The following AKR1E2 variants were observed in gnomAD, a reference collection of about 807,000 sequenced individuals.
The protein encoded by AKR1E2 is 1,5-anhydro-D-fructose reductase.
In AKR1E2, 43 loss-of-function variants were observed where a neutral mutation model predicts 41.9. That is an observed-to-expected ratio of 1.03 (90% CI 0.80 to 1.32). The LOEUF (loss-of-function observed/expected upper bound fraction) is 1.32, where lower values mean the gene tolerates loss of function less well. Ranked by LOEUF, AKR1E2 falls within the 40% of genes most tolerant of loss-of-function variation. The pLI is 0.00. For synonymous variants in AKR1E2, 121 were observed against 138.9 expected, an observed-to-expected ratio of 0.87 and a Z score of 0.91; for missense variants, 423 against 396.5, an observed-to-expected ratio of 1.07 and a Z score of -0.57.
At chr10:4,826,205 C>T, upstream of AKR1E2, 2 of 730,784 alleles carry the variant, frequency 2.7e-6, no homozygotes, top group Non-Finnish European at 3.8e-6. Context: ...GGAGTGTCAG[C>T]CGTCACAAGG....
chr10:4,867,286 C>T, the AKR1E2 span, among the ~76,000 whole-genome samples: 5 of 152,158 alleles, frequency 3.3e-5, no homozygotes, highest in East Asian at 9.6e-4. Context: ...TCTTAGACTT[C>T]TCCAGTTTTG....
At chr10:4,858,964 C>T in the AKR1E2 span, among the ~76,000 whole-genome samples, 39,092 of 151,404 alleles carry the variant, frequency 0.26, 5,246 homozygotes, top group Middle Eastern at 0.37. Flanking sequence ...GCTGGGATTA[C>T]AGGCATCCAC....
chr10:4,831,290 C>T (rs1432456589), intron 2 of AKR1E2, among the ~76,000 whole-genome samples: 2 of 152,158 alleles, frequency 1.3e-5, no homozygotes, highest in Non-Finnish European at 2.9e-5. Flanking sequence ...GGAAGCAGCA[C>T]GGCAGGTGCA....
chr10:4,851,119 T>A (rs898070894), downstream of AKR1E2, among the ~76,000 whole-genome samples: 59 of 152,334 alleles, frequency 3.9e-4, no homozygotes, highest in African/African-American at 1.4e-3. Context: ...AACAGTGACA[T>A]GTGATGCGAC....
At chr10:4,856,679 C>G in the AKR1E2 span, among the ~76,000 whole-genome samples, 1 of 152,176 alleles carries the variant, frequency 6.6e-6, no homozygotes. Flanking sequence ...TTATGGGAAA[C>G]TGCTATAATT....
intron 6 of AKR1E2, among the ~76,000 whole-genome samples, chr10:4,840,911 A>G (rs1196626752): frequency 6.6e-6 from 1 of 152,024 alleles, no homozygotes; most frequent in East Asian, 1.9e-4. Flanking sequence ...TATCTTATTT[A>G]TTCTTCTCTT....
Position 4,835,710 on chromosome 10 carries a change from ACTTTC to A in AKR1E2, c.364_368del (p.Ser122LeufsTer22). On this transcript the variant is annotated frameshift_variant, in exon 4 of 10. Coordinates refer to ENST00000298375, the MANE Select transcript of AKR1E2 (RefSeq NM_001040177.3). LOFTEE classifies it high-confidence loss of function. ...CAGAATGGATCATGAGCTGCAGTGA[ACTTTC>A]CTTCTGCCTCTCACATCCTCGAGTG... 2 of 1,614,030 alleles carry A rather than the reference ACTTTC, an allele frequency of 1.2e-6. No homozygotes were observed. Among genetic ancestry groups the A allele is most frequent in the Non-Finnish European group, 1.7e-6 (2 of 1,180,014 alleles).
intron 8 of AKR1E2, among the ~76,000 whole-genome samples, chr10:4,846,549 CTTT>C (rs760426996): frequency 2.1e-5 from 3 of 141,094 alleles, no homozygotes; most frequent in Admixed American, 7.1e-5. Context: ...CTGTGCCATC[CTTT>C]TTTTTTTTTT....
chr10:4,862,799 G>T, the AKR1E2 span, among the ~76,000 whole-genome samples: 2 of 152,270 alleles, frequency 1.3e-5, no homozygotes, highest in Non-Finnish European at 2.9e-5. Context: ...ACAAAAAAAG[G>T]CAGGGGTTGC....
rs1336699079 is a variant in AKR1E2, at chr10:4,830,779, A to G, written c.144A>G (p.Ala48=). ...ACCACAATGAGAGGGAGGTTGGAGCAGGGATCCGTTGCAAGATCAAGGAAG... is the reference window on the plus strand; with the variant it reads ...ACCACAATGAGAGGGAGGTTGGAGCGGGGATCCGTTGCAAGATCAAGGAAG... ...YFYHNEREVG[A]GIRCKIKEGA... The change falls in exon 2 of 10, where the codon GCA becomes GCG. Residue 48 remains alanine (A), a synonymous_variant. Coordinates refer to ENST00000298375, the MANE Select transcript of AKR1E2 (RefSeq NM_001040177.3). 1 of 1,614,184 alleles carries G rather than the reference A, an allele frequency of 6.2e-7. No homozygotes were observed. The highest frequency in any genetic ancestry group is 1.7e-5 in the Admixed American group (1 of 60,016).
At chr10:4,869,519 T>C in the AKR1E2 span, among the ~76,000 whole-genome samples, 1 of 152,082 alleles carries the variant, frequency 6.6e-6, no homozygotes, top group Admixed American at 6.6e-5. Flanking sequence ...TCAATTTCAT[T>C]GATTTCAGCT....
chr10:4,850,231 C>T (rs1834497384), downstream of AKR1E2, among the ~76,000 whole-genome samples: 1 of 152,182 alleles, frequency 6.6e-6, no homozygotes, highest in African/African-American at 2.4e-5. Context: ...AACGTGTGCC[C>T]TTAAGGGACC....
At chr10:4,863,482 G>A in the AKR1E2 span, among the ~76,000 whole-genome samples, 1,292 of 152,018 alleles carry the variant, frequency 8.5e-3, 21 homozygotes, top group African/African-American at 0.03. Context: ...GAAATTTATA[G>A]CACTAAATGC....
chr10:4,861,298 A>G, the AKR1E2 span, among the ~76,000 whole-genome samples: 15 of 152,310 alleles, frequency 9.8e-5, no homozygotes, highest in Admixed American at 3.9e-4. Context: ...AAAACTAATC[A>G]TCATCCCAGA....
chr10:4,836,568 G>C lies in AKR1E2; in HGVS notation c.459+759G>C, dbSNP rs375582309. On this transcript the variant is annotated intron_variant, in intron 4 of 9. Transcript: ENST00000298375. ...GCTTGCTGAGGTTAGGACAGAGCTT[G>C]CTGGGTGAAGCTCTCCAGGGAGGAG... is the stretch of plus-strand genomic sequence containing the variant. Among the ~76,000 whole-genome samples the C allele has an allele frequency of 1.2e-4, 18 of 152,302 alleles. No individual in the cohort carries two copies. In the South Asian group the frequency reaches 2.7e-3, roughly 23 times the overall value.
At chr10:4,826,390 C>T (rs1369387740) in intron 1 of AKR1E2, 27 bp downstream of exon 1, 7 of 1,232,824 alleles carry the variant, frequency 5.7e-6, no homozygotes, top group Non-Finnish European at 3.0e-6. Flanking sequence ...CAGGGAGGCG[C>T]GCCTGACCTA....
intron 2 of AKR1E2, 82 bp from the exon 3 acceptor site, chr10:4,833,268 C>G: frequency 8.8e-7 from 1 of 1,130,114 alleles, no homozygotes; most frequent in Non-Finnish European, 1.3e-6. Context: ...GGGTTCAAGA[C>G]AGTAGCTTTG....
At chr10:4,865,927 A>T in the AKR1E2 span, among the ~76,000 whole-genome samples, 1 of 152,158 alleles carries the variant, frequency 6.6e-6, no homozygotes, top group Admixed American at 6.5e-5. Flanking sequence ...TTTAAATTTT[A>T]TGTTGAAAAC....
intron 8 of AKR1E2, chr10:4,845,762 C>G (rs1180649970): frequency 2.1e-6 from 1 of 471,180 alleles, no homozygotes; most frequent in Admixed American, 2.3e-5. Context: ...CTGAGATGCC[C>G]CCATTCCTCT....
Sources: allele counts gnomAD v4.1 joint callset (sites outside exome capture counted in the v4.1 genomes callset), GRCh38; gene constraint gnomAD v4.1.1; transcripts MANE v1.5; gene names NCBI Gene and HGNC (gene_info 2026-07-23, HGNC 2026-07-21).